The following NCK1 variants were observed in gnomAD, a reference collection of about 807,000 sequenced individuals.
NCK1 encodes NCK adaptor protein 1.
A neutral mutation model predicts 36.6 loss-of-function variants in NCK1; 19 were observed. The ratio of observed to expected loss-of-function variants is 0.52; its 90% CI spans 0.36 to 0.76. The LOEUF is 0.76. Among genes scored for constraint, NCK1 ranks in the 30% least tolerant of loss-of-function variants. The pLI, the probability that NCK1 is intolerant of heterozygous loss-of-function variation, is 0.00. For missense variants in NCK1, 358 were observed against 445.6 expected (o/e 0.80, Z 1.77); for synonymous variants, 165 against 156.0 (o/e 1.06, Z -0.43).
intron 2 of NCK1, among the ~76,000 whole-genome samples, chr3:136,934,904 G>A (rs1381760137): frequency 6.6e-6 from 1 of 152,118 alleles, no homozygotes; most frequent in Non-Finnish European, 1.5e-5. Flanking sequence ...GAAGATTGTG[G>A]TGAACTGTGA....
At chr3:136,865,369 G>A (rs904934688) in intron 1 of NCK1, among the ~76,000 whole-genome samples, 6 of 152,230 alleles carry the variant, frequency 3.9e-5, no homozygotes, top group Middle Eastern at 3.4e-3. Flanking sequence ...ACAGGTGTGC[G>A]CCACCGTGGC....
intron 1 of NCK1, among the ~76,000 whole-genome samples, chr3:136,892,012 C>T (rs1939259509): frequency 1.3e-5 from 2 of 152,246 alleles, no homozygotes; most frequent in South Asian, 4.1e-4. Flanking sequence ...TCTCAGCCTC[C>T]TGAGTAGCTA....
intron 1 of NCK1, among the ~76,000 whole-genome samples, chr3:136,927,678 CGCCCA>C (rs1406626841): frequency 1.3e-5 from 2 of 151,998 alleles, no homozygotes; most frequent in Non-Finnish European, 2.9e-5. Context: ...TGCACCATCA[CGCCCA>C]GCTAATTTTT....
chr3:136,883,424 C>G (rs552247371), intron 1 of NCK1, among the ~76,000 whole-genome samples: 11 of 152,230 alleles, frequency 7.2e-5, no homozygotes, highest in African/African-American at 1.9e-4. Context: ...ACATGACTGC[C>G]TCCTCTTCAT....
At chr3:136,878,239 T>C (rs1283649923) in intron 1 of NCK1, among the ~76,000 whole-genome samples, 1 of 152,074 alleles carries the variant, frequency 6.6e-6, no homozygotes, top group African/African-American at 2.4e-5. Context: ...TGAAACCCCA[T>C]CTCAACTATA....
intron 1 of NCK1, among the ~76,000 whole-genome samples, chr3:136,880,897 A>G (rs2108077596): frequency 6.6e-6 from 1 of 152,162 alleles, no homozygotes; most frequent in Middle Eastern, 3.4e-3. Flanking sequence ...GTGTTAGGCT[A>G]CCACACCCAG....
In NCK1 at chr3:136,901,842, C is replaced by G. The variant is rs147520411; in HGVS notation, c.-18-26142C>G. 1.1e-3 allele frequency among the ~76,000 whole-genome samples: 171 copies of G among 152,030 alleles called. 1 individual carries two copies. In the East Asian group the frequency reaches 0.031, roughly 27 times the overall value. On this transcript the variant is annotated intron_variant, in intron 1 of 3. Coordinates refer to ENST00000481752, the MANE Select transcript of NCK1 (RefSeq NM_001291999.2). ...ATCAGCTTTTTGTTGTTCTTTTGTG[C>G]TTTTTAAAAAAGTCGTTTCATTTAG...
At chr3:136,865,178 G>A (rs1938377653) in intron 1 of NCK1, among the ~76,000 whole-genome samples, 1 of 152,026 alleles carries the variant, frequency 6.6e-6, no homozygotes, top group African/African-American at 2.4e-5. Flanking sequence ...GGCTGGTCTT[G>A]AACTCCTGAC....
At chr3:136,867,076 CTT>C (rs1327896546) in intron 1 of NCK1, among the ~76,000 whole-genome samples, 1 of 1,130 alleles carries the variant, frequency 8.8e-4, no homozygotes, top group Middle Eastern at 0.17. Context: ...TTCTTTCTTT[CTT>C]TCTTTCTTTC....
At chr3:136,890,139 C>T (rs1340025959) in intron 1 of NCK1, among the ~76,000 whole-genome samples, 1 of 152,184 alleles carries the variant, frequency 6.6e-6, no homozygotes, top group African/African-American at 2.4e-5. Flanking sequence ...CCGAGCCCTG[C>T]CCCACGGGGA....
intron 1 of NCK1, among the ~76,000 whole-genome samples, chr3:136,870,563 T>A (rs2108066964): frequency 6.6e-6 from 1 of 152,110 alleles, no homozygotes; most frequent in African/African-American, 2.4e-5. Flanking sequence ...TGCTCTTGAA[T>A]AATATATTTT....
At chr3:136,880,141 C>T (rs373811945) in intron 1 of NCK1, among the ~76,000 whole-genome samples, 6 of 151,790 alleles carry the variant, frequency 4.0e-5, no homozygotes, top group Admixed American at 6.6e-5. Flanking sequence ...AAAAATTAGC[C>T]GGGTGTGGTG....
At chr3:136,935,101 A>T (rs899426966) in intron 2 of NCK1, among the ~76,000 whole-genome samples, 41 of 152,076 alleles carry the variant, frequency 2.7e-4, no homozygotes, top group Admixed American at 1.3e-4. Flanking sequence ...AGGGTTTCGC[A>T]TGTTGGCCAG....
chr3:136,883,001 C>G (rs1177353801), intron 1 of NCK1, among the ~76,000 whole-genome samples: 1 of 152,198 alleles, frequency 6.6e-6, no homozygotes, highest in Non-Finnish European at 1.5e-5. Context: ...TCACTGCAAC[C>G]TCCGCCTCCT....
At chr3:136,924,195 GCCT>G (rs1435391692) in intron 1 of NCK1, among the ~76,000 whole-genome samples, 1 of 152,158 alleles carries the variant, frequency 6.6e-6, no homozygotes, top group Non-Finnish European at 1.5e-5. Flanking sequence ...GACATAATGT[GCCT>G]CCTAATAAAT....
chr3:136,877,832 G>T (rs181385637), intron 1 of NCK1, among the ~76,000 whole-genome samples: 1 of 152,140 alleles, frequency 6.6e-6, no homozygotes, highest in South Asian at 2.1e-4. Context: ...GGGAGGAGGT[G>T]AGGGTGGTGC....
chr3:136,878,686 C>G (rs999100284), intron 1 of NCK1, among the ~76,000 whole-genome samples: 3 of 124,760 alleles, frequency 2.4e-5, no homozygotes, highest in African/African-American at 8.8e-5. Flanking sequence ...TTATGATAAT[C>G]TGAGTTGTAT....
chr3:136,862,963 T>C (rs1031590301), intron 1 of NCK1, among the ~76,000 whole-genome samples: 1 of 151,892 alleles, frequency 6.6e-6, no homozygotes, highest in African/African-American at 2.4e-5. Context: ...AACTTTTGAC[T>C]TGAGTTGTAA....
chr3:136,862,567 C>T (rs1300973881), intron 1 of NCK1, among the ~76,000 whole-genome samples: 1 of 152,226 alleles, frequency 6.6e-6, no homozygotes, highest in African/African-American at 2.4e-5. Flanking sequence ...ACCCTCGGGC[C>T]GTTGCCCCAG....
Sources: gnomAD v4.1 joint callset for allele counts (sites outside exome capture counted in the v4.1 genomes callset) on GRCh38, gnomAD v4.1.1 for gene constraint, MANE v1.5 for transcripts, NCBI Gene and HGNC (gene_info 2026-07-23, HGNC 2026-07-21) for gene names.